Variants in SH2B2 observed in about 807,000 individuals in gnomAD.
SH2B2 encodes SH2B adapter protein 2.
Under a neutral mutation model 35.7 loss-of-function variants are expected in SH2B2, and 37 were observed. The ratio of observed to expected loss-of-function variants is 1.04; its 90% confidence interval spans 0.80 to 1.36. The LOEUF is 1.36. Ranked by LOEUF, SH2B2 falls within the 40% of genes most tolerant of loss-of-function variation. SH2B2 has a pLI of 0.00. For synonymous variants in SH2B2, 383 were observed against 376.4 expected (o/e 1.02, Z -0.20); for missense variants, 852 against 817.7 (o/e 1.04, Z -0.51).
At chr7:102,285,299 G>A, upstream of SH2B2, 2 of 1,405,594 alleles carry the variant, frequency 1.4e-6, no homozygotes, top group Non-Finnish European at 2.0e-6. Context: ...CTCCCAGGAG[G>A]GTGGAGACCA....
At chr7:102,298,580 CT>C (rs1297928312) in intron 1 of SH2B2, among the ~76,000 whole-genome samples, 2 of 151,976 alleles carry the variant, frequency 1.3e-5, no homozygotes, top group Non-Finnish European at 2.9e-5. Flanking sequence ...TTCAGATCAA[CT>C]TTTTTTGTTT....
chr7:102,301,558 C>T (rs1435241960), intron 2 of SH2B2, among the ~76,000 whole-genome samples: 4 of 139,538 alleles, frequency 2.9e-5, no homozygotes, highest in African/African-American at 1.2e-4. Flanking sequence ...GTGTGTGTGT[C>T]CGTGTGTGTG....
At chr7:102,296,826 C>T (rs1433989907) in intron 1 of SH2B2, among the ~76,000 whole-genome samples, 2 of 152,096 alleles carry the variant, frequency 1.3e-5, no homozygotes, top group East Asian at 1.9e-4. Context: ...AAAACTTGGT[C>T]CCTTTAGCCA....
intron 1 of SH2B2, among the ~76,000 whole-genome samples, chr7:102,295,439 C>G (rs373667105): frequency 4.6e-5 from 7 of 152,314 alleles, no homozygotes; most frequent in African/African-American, 1.7e-4. Flanking sequence ...ACCACCCCTG[C>G]AGGTCATGGC....
chr7:102,314,627 C>A lies in SH2B2; in HGVS notation c.1131C>A (p.Thr377=). ...RESLIHVPLE[T]FLQTLESPGG... is the part of the protein sequence containing the mutation. ...CCCTGATCCACGTCCCGCTAGAGAC[C>A]TTTCTGCAGACCCTGGAATCCCCGG... Residue 377 remains threonine (T), a synonymous_variant, in exon 6 of 9, where the codon ACC becomes ACA. Coordinates refer to ENST00000444095, the MANE Select transcript of SH2B2 (RefSeq NM_001359228.2). 2 of 398,658 alleles carry A rather than the reference C, an allele frequency of 5.0e-6. No homozygotes were observed. Among genetic ancestry groups the A allele is most frequent in the Non-Finnish European group, 8.8e-6 (2 of 226,124 alleles). 24.7% of individuals were successfully genotyped at this position (398,658 alleles called of 1,614,324 possible).
intron 1 of SH2B2, among the ~76,000 whole-genome samples, chr7:102,291,997 G>A (rs1467935866): frequency 6.6e-6 from 1 of 152,148 alleles, no homozygotes; most frequent in Non-Finnish European, 1.5e-5. Flanking sequence ...CAGCAGGATT[G>A]AAGGAGCCTA....
In SH2B2 at chr7:102,297,163, G is replaced by A. The variant is rs542080348; in HGVS notation, c.-29-3359G>A. Among the ~76,000 whole-genome samples the A allele has an allele frequency of 7.2e-5, 11 of 152,072 alleles. No homozygotes were observed. Among genetic ancestry groups the A allele is most frequent in the Non-Finnish European group, 1.5e-4 (10 of 68,014 alleles). On this transcript the variant is annotated intron_variant, in intron 1 of 8. Coordinates refer to ENST00000444095, the MANE Select transcript of SH2B2 (RefSeq NM_001359228.2). This position sits in a 1 kb window ranked among gnomAD's most constrained non-coding sequence, Gnocchi z 4.3. ...GCAGGATGAAGTCTCAAACCATCCC[G>A]CTGTTCTGCCTGGGATGTGAATTAT...
At chr7:102,308,721 G>C in intron 3 of SH2B2, 94 bp from the exon 4 acceptor site, 1 of 892,906 alleles carries the variant, frequency 1.1e-6, no homozygotes, top group Non-Finnish European at 1.9e-6. Flanking sequence ...TGGGAGAGGG[G>C]GATCAGCCAT....
chr7:102,317,299 A>T lies in SH2B2; in HGVS notation c.1299A>T (p.Ala433=), dbSNP rs781856825. The T allele has an allele frequency of 4.3e-6, 7 of 1,613,598 alleles. No individual in the cohort carries two copies. The South Asian group carries it at 5.5e-5, about 13-fold the overall frequency. Residue 433 remains alanine, a synonymous_variant, in exon 7 of 9, where the codon GCA becomes GCT. Coordinates refer to ENST00000444095, the MANE Select transcript of SH2B2 (RefSeq NM_001359228.2). ...TCAAGGCTGCTCAACTGGTTCTGGCAGGGGGGCCCCGGAACCACGGCCTCT... is the reference window on the plus strand; with the variant it reads ...TCAAGGCTGCTCAACTGGTTCTGGCTGGGGGGCCCCGGAACCACGGCCTCT... ...SRVKAAQLVL[A]GGPRNHGLFV...
At chr7:102,296,499 T>G (rs1554552533) in intron 1 of SH2B2, among the ~76,000 whole-genome samples, 1 of 152,196 alleles carries the variant, frequency 6.6e-6, no homozygotes, top group Non-Finnish European at 1.5e-5. Flanking sequence ...TATTGGTAAT[T>G]TTCCCCCTGG....
Position 102,300,772 on chromosome 7 carries a change from C to T in SH2B2, c.222C>T (p.Gly74=), listed in dbSNP as rs368488653. The part of the protein sequence containing the change: ...HFAANFLDVF[G]EEVRRVLVAG... ...CCGCCAACTTCCTGGACGTCTTCGG[C>T]GAGGAGGTGCGCCGCGTGCTGGTGG... The change falls in exon 2 of 9, where the codon GGC becomes GGT. Residue 74 remains glycine, a synonymous_variant. Transcript: ENST00000444095. 6 of 1,529,734 alleles carry T rather than the reference C, an allele frequency of 3.9e-6. No homozygotes were observed. The African/African-American group carries it at 6.9e-5, about 18-fold the overall frequency. 94.8% of individuals were successfully genotyped at this position (1,529,734 alleles called of 1,614,324 possible). A position where few individuals can be genotyped will look rare whatever the true frequency, so the allele number is the denominator to read the frequency against.
intron 7 of SH2B2, among the ~76,000 whole-genome samples, chr7:102,320,085 G>A (rs1469145094): frequency 2.0e-5 from 3 of 152,198 alleles, no homozygotes; most frequent in African/African-American, 7.2e-5. Flanking sequence ...TTATAGGTGT[G>A]TAGGGCATGG....
In SH2B2 at chr7:102,314,507, C is replaced by T; in HGVS notation, c.1016-5C>T. 2.5e-6 allele frequency: 1 copy of T among 398,740 alleles called. No individual in the cohort carries two copies. 24.7% of individuals were successfully genotyped at this position (398,740 alleles called of 1,614,324 possible). A position where few individuals can be genotyped will look rare whatever the true frequency, so the allele number is the denominator to read the frequency against. ...ATACGTGCATCTTACCTGCCACTTC[C>T]CCAGCAGTCGACCTGCCCCGCCCCC... On this transcript the variant is annotated splice_region_variant and splice_polypyrimidine_tract_variant and intron_variant, in intron 5 of 8. Transcript: ENST00000444095.
chr7:102,302,769 A>G (rs1216838441), intron 2 of SH2B2, among the ~76,000 whole-genome samples: 1 of 152,172 alleles, frequency 6.6e-6, no homozygotes, highest in Non-Finnish European at 1.5e-5. Context: ...CTGGTCTAAC[A>G]TGGCAGGACA....
chr7:102,306,621 A>G (rs1244418996), intron 2 of SH2B2, 100 bp from the exon 3 acceptor site: 1 of 792,740 alleles, frequency 1.3e-6, no homozygotes, highest in Non-Finnish European at 2.2e-6. Flanking sequence ...TGGCTGTGGC[A>G]GTCTATTTGA....
Position 102,321,473 on chromosome 7 carries a change from C to T in SH2B2, c.1742C>T (p.Ala581Val), listed in dbSNP as rs1794081390. 1.7e-6 allele frequency: 2 copies of T among 1,182,948 alleles called. No individual in the cohort carries two copies. The highest frequency in any genetic ancestry group is 3.3e-5 in the South Asian group (1 of 30,566). 73.3% of individuals were successfully genotyped at this position (1,182,948 alleles called of 1,614,324 possible). A position where few individuals can be genotyped will look rare whatever the true frequency, so the allele number is the denominator to read the frequency against. The change falls in exon 9 of 9, where the codon GCC becomes GTC. Residue 581 changes from alanine (A) to valine (V), a missense_variant. Physicochemically the swap from Ala to Val is moderately conservative, Grantham distance 64. Transcript: ENST00000444095. Reference protein sequence around the residue: ...ASSSSAASGPAPPRPVEGQLS... With the variant: ...ASSSSAASGPVPPRPVEGQLS... ...TCGTCCTCTGCCGCGTCGGGGCCCG[C>T]CCCCCCGCGCCCCGTCGAGGGCCAG...
intron 1 of SH2B2, among the ~76,000 whole-genome samples, chr7:102,292,072 G>A (rs1175099021): frequency 2.0e-5 from 3 of 152,132 alleles, no homozygotes; most frequent in African/African-American, 7.2e-5. Flanking sequence ...ACCCCTAAGG[G>A]CAGTGGACAT....
intron 7 of SH2B2, among the ~76,000 whole-genome samples, chr7:102,317,720 G>C (rs1326784166): frequency 3.3e-5 from 5 of 152,158 alleles, no homozygotes; most frequent in African/African-American, 9.7e-5. Flanking sequence ...GCGCGCGGGG[G>C]ATCTCATAGC....
chr7:102,297,376 A>G lies in SH2B2; in HGVS notation c.-29-3146A>G, dbSNP rs1261590863. 2.7e-5 allele frequency among the ~76,000 whole-genome samples: 4 copies of G among 149,964 alleles called. No individual in the cohort carries two copies. The highest frequency in any genetic ancestry group is 5.9e-5 in the Non-Finnish European group (4 of 67,790). On this transcript the variant is annotated intron_variant, in intron 1 of 8. Coordinates refer to ENST00000444095, the MANE Select transcript of SH2B2 (RefSeq NM_001359228.2). This position sits in a 1 kb window ranked among gnomAD's most constrained non-coding sequence, Gnocchi z 4.3. ...GGAGTTCAAGACCAGCCTCATCAAT[A>G]GAGTGAGATCCCATCTCTACACACA...
Sources: gnomAD v4.1 joint callset for allele counts (sites outside exome capture counted in the v4.1 genomes callset) on GRCh38, gnomAD v4.1.1 for gene constraint, Gnocchi (gnomAD v3.1) non-coding constraint, MANE v1.5 for transcripts, NCBI Gene and HGNC (gene_info 2026-07-23, HGNC 2026-07-21) for gene names.